LMO2: variants seen among roughly 807,000 people sequenced by gnomAD.
LMO2 encodes rhombotin-2.
LMO2 carries 20 observed loss-of-function variants against 23.2 expected under a neutral mutation model. The ratio of observed to expected loss-of-function variants is 0.86; its 90% CI spans 0.61 to 1.25. LMO2 has a LOEUF of 1.25. Among genes scored for constraint, LMO2 ranks in the 50% most tolerant of loss-of-function variants. The pLI is 0.00. For missense variants in LMO2, 270 were observed against 315.3 expected (o/e 0.86, Z 1.09); for synonymous variants, 123 against 130.2 (o/e 0.94, Z 0.38).
At position 33,864,123 on chromosome 11, in the gene LMO2, A is replaced by G. The variant is rs1334926779; in HGVS notation, c.464+479T>C. On this transcript the variant is annotated intron_variant, in intron 5 of 5. Coordinates refer to ENST00000257818, the MANE Select transcript of LMO2 (RefSeq NM_005574.4). This position sits in a 1 kb window ranked among gnomAD's most constrained non-coding sequence, Gnocchi z 4.8. ...TATGAGTCAATGCTTGGAGCTCCAT[A>G]TGCTTTCTATTTTTAAATTTCTCAT... is the stretch of plus-strand genomic sequence containing the variant. 2.0e-5 allele frequency among the ~76,000 whole-genome samples: 3 copies of G among 152,172 alleles called. No homozygotes were observed. Among genetic ancestry groups the G allele is most frequent in the African/African-American group, 7.2e-5 (3 of 41,448 alleles).
At chr11:33,865,306 A>C (rs1856743060) in intron 4 of LMO2, among the ~76,000 whole-genome samples, 1 of 152,212 alleles carries the variant, frequency 6.6e-6, no homozygotes, top group Admixed American at 6.5e-5. Context: ...AGAATCTGCA[A>C]ATCCCCAGTG....
Position 33,870,001 on chromosome 11 carries a change from A to C in LMO2, c.-271-14T>G, listed in dbSNP as rs1244240168. Reference sequence around the variant, plus strand: ...ATTTCCTTTTTCCTGATCACGATTCAAATACAATAGAAGGAAATCACATTT... The same window carrying C: ...ATTTCCTTTTTCCTGATCACGATTCCAATACAATAGAAGGAAATCACATTT... On this transcript the variant is annotated splice_polypyrimidine_tract_variant and intron_variant, in intron 2 of 5. Coordinates refer to ENST00000257818, the MANE Select transcript of LMO2 (RefSeq NM_005574.4). 2.0e-6 allele frequency: 2 copies of C among 989,000 alleles called. No individual in the cohort carries two copies. Among genetic ancestry groups the C allele is most frequent in the Non-Finnish European group, 2.4e-6 (2 of 822,662 alleles). The allele number at this position is 989,000 out of a possible 1,614,324, so 61.3% of individuals were successfully genotyped here. A position where few individuals can be genotyped will look rare whatever the true frequency, so the allele number is the denominator to read the frequency against.
intron 2 of LMO2, among the ~76,000 whole-genome samples, chr11:33,874,828 C>A (rs1857098377): frequency 6.6e-6 from 1 of 152,268 alleles, no homozygotes; most frequent in South Asian, 2.1e-4. Context: ...TCCCTGATTT[C>A]ATCTGATTTT....
intron 1 of LMO2, among the ~76,000 whole-genome samples, chr11:33,891,538 C>A (rs1857553822): frequency 6.6e-6 from 1 of 152,096 alleles, no homozygotes; most frequent in Non-Finnish European, 1.5e-5. Flanking sequence ...CATTAGCAAC[C>A]AGCGGCTCAC....
At chr11:33,874,093 A>C (rs1028435100) in intron 2 of LMO2, among the ~76,000 whole-genome samples, 5 of 152,096 alleles carry the variant, frequency 3.3e-5, no homozygotes, top group Non-Finnish European at 7.3e-5. Flanking sequence ...AAAAATAAAG[A>C]CCTGTCTTAA....
chr11:33,870,539 C>T (rs890073924), intron 2 of LMO2: 12 of 985,644 alleles, frequency 1.2e-5, no homozygotes, highest in Non-Finnish European at 1.4e-5. Context: ...GATGGTGGTG[C>T]GCCAGCCGGG....
chr11:33,867,230 T>C (rs1336041043), intron 4 of LMO2, among the ~76,000 whole-genome samples: 1 of 152,158 alleles, frequency 6.6e-6, no homozygotes, highest in Non-Finnish European at 1.5e-5. Flanking sequence ...CATTTGCATA[T>C]AGCTAGGCAA....
At chr11:33,882,782 G>A (rs1857316574) in intron 1 of LMO2, among the ~76,000 whole-genome samples, 1 of 152,124 alleles carries the variant, frequency 6.6e-6, no homozygotes, top group South Asian at 2.1e-4. Flanking sequence ...TTTTACAGAG[G>A]AGGAAAGTGA....
intron 5 of LMO2, among the ~76,000 whole-genome samples, chr11:33,863,245 T>C: frequency 6.6e-6 from 1 of 152,014 alleles, no homozygotes; most frequent in Non-Finnish European, 1.5e-5. Flanking sequence ...AAAAGAAAAC[T>C]GACCAAAATT....
At chr11:33,884,158 G>A (rs554343336) in intron 1 of LMO2, among the ~76,000 whole-genome samples, 1 of 152,274 alleles carries the variant, frequency 6.6e-6, no homozygotes, top group Non-Finnish European at 1.5e-5. Flanking sequence ...CACTGGTTGA[G>A]GGCCCCACTG....
intron 2 of LMO2, among the ~76,000 whole-genome samples, chr11:33,879,423 C>T (rs1857210343): frequency 6.7e-6 from 1 of 149,960 alleles, no homozygotes; most frequent in South Asian, 2.1e-4. Context: ...AGTTCGAGAC[C>T]AGCCTGGCCA....
rs1857226561 is a variant in LMO2, at chr11:33,880,043, A to G, written c.-272+1781T>C. Among the ~76,000 whole-genome samples, 1 of 152,066 alleles carries G rather than the reference A, an allele frequency of 6.6e-6. No homozygotes were observed. The highest frequency in any genetic ancestry group is 6.6e-5 in the Admixed American group (1 of 15,256). On this transcript the variant is annotated intron_variant, in intron 2 of 5. Coordinates refer to ENST00000257818, the MANE Select transcript of LMO2 (RefSeq NM_005574.4). This position sits in a 1 kb window ranked among gnomAD's most constrained non-coding sequence, Gnocchi z 4.3. Reference sequence around the variant, plus strand: ...CAGCAACTCAAACAAATATTTGTACACCCATGTTCACAGCAGTACTATTCA... The same window carrying G: ...CAGCAACTCAAACAAATATTTGTACGCCCATGTTCACAGCAGTACTATTCA...
chr11:33,891,006 G>A (rs1857533604), intron 1 of LMO2, among the ~76,000 whole-genome samples: 2 of 152,092 alleles, frequency 1.3e-5, no homozygotes, highest in South Asian at 4.1e-4. Flanking sequence ...GAAACATTAC[G>A]GCAAGAACCT....
chr11:33,870,524 G>T, intron 2 of LMO2: 1 of 986,948 alleles, frequency 1.0e-6, no homozygotes, highest in South Asian at 4.7e-5. Flanking sequence ...GCGCTCTGCA[G>T]AGGCGATGGT....
Position 33,869,454 on chromosome 11 carries a change from G to C in LMO2, c.140C>G (p.Pro47Arg), listed in dbSNP as rs1590639210. The change falls in exon 4 of 6, where the codon CCG becomes CGG. Residue 47 changes from proline (P) to arginine (R), a missense_variant. Physicochemically the swap from Pro to Arg is moderately radical, Grantham distance 103 (BLOSUM62 -2). Around this residue, in one of 2 missense-constraint regions of LMO2, gnomAD observed 170 missense variants for 162.0 expected, o/e 1.05. Transcript: ENST00000257818. ...TGTGGCGCGGGGCTGGCCGGCTGCCGGGGCTCGGACCCCCTCGGGTGCTCG... is the reference window on the plus strand; with the variant it reads ...TGTGGCGCGGGGCTGGCCGGCTGCCCGGGCTCGGACCCCCTCGGGTGCTCG... ...GARAPEGVRA[P>R]AAGQPRATKG... 6.7e-6 allele frequency: 8 copies of C among 1,195,150 alleles called. No individual in the cohort carries two copies. In the East Asian group the frequency reaches 3.0e-4, roughly 45 times the overall value. The allele number at this position is 1,195,150 out of a possible 1,614,324, so 74.0% of individuals were successfully genotyped here.
At chr11:33,865,490 C>T (rs1856748715) in intron 4 of LMO2, among the ~76,000 whole-genome samples, 1 of 152,244 alleles carries the variant, frequency 6.6e-6, no homozygotes, top group African/African-American at 2.4e-5. Context: ...TTCCATTCTT[C>T]CTACTGAAGG....
intron 1 of LMO2, among the ~76,000 whole-genome samples, chr11:33,884,193 G>A (rs1176371844): frequency 6.6e-6 from 1 of 152,164 alleles, no homozygotes; most frequent in Non-Finnish European, 1.5e-5. Flanking sequence ...TGACTTCTGG[G>A]GAGGAGAAAG....
intron 4 of LMO2, among the ~76,000 whole-genome samples, chr11:33,869,005 G>A (rs1045294725): frequency 3.9e-5 from 6 of 152,240 alleles, no homozygotes; most frequent in African/African-American, 1.4e-4. Flanking sequence ...AGCCCAGAAC[G>A]CTCTCCGGAC....
chr11:33,866,344 A>G (rs1012649580), intron 4 of LMO2, among the ~76,000 whole-genome samples: 36 of 152,044 alleles, frequency 2.4e-4, no homozygotes, highest in African/African-American at 7.7e-4. Flanking sequence ...TTATCTGGGG[A>G]AAAAAAATGG....
Sources: gnomAD v4.1 joint callset for allele counts (sites outside exome capture counted in the v4.1 genomes callset) on GRCh38, gnomAD v4.1.1 for gene constraint, gnomAD v4.1.1 regional missense constraint, Gnocchi (gnomAD v3.1) non-coding constraint, MANE v1.5 for transcripts, NCBI Gene and HGNC (gene_info 2026-07-23, HGNC 2026-07-21) for gene names.